Variants in RSPH4A observed in about 807,000 individuals in gnomAD.
RSPH4A encodes the protein radial spoke head component 4A, also known as radial spoke head protein 4 homolog A.
Under a neutral mutation model 71.0 loss-of-function variants are expected in RSPH4A, and 47 were observed. The ratio of observed to expected loss-of-function variants is 0.66; its 90% CI spans 0.52 to 0.84. RSPH4A has a LOEUF of 0.84. RSPH4A is among the 40% of genes least tolerant of loss of function. The pLI is 0.00. For synonymous variants in RSPH4A, 282 were observed against 302.3 expected, an observed-to-expected ratio of 0.93 and a Z score of 0.70; for missense variants, 793 against 855.2, an observed-to-expected ratio of 0.93 and a Z score of 0.91.
At chr6:116,620,885 G>A (rs993286175) in intron 1 of RSPH4A, among the ~76,000 whole-genome samples, 4 of 152,050 alleles carry the variant, frequency 2.6e-5, no homozygotes, top group Non-Finnish European at 4.4e-5. Context: ...TTGAGACAGA[G>A]TCTCACGTTG....
In RSPH4A at chr6:116,632,460, G is replaced by C; in HGVS notation, c.*19G>C. On this transcript the variant is annotated 3_prime_UTR_variant, in exon 6 of 6. Coordinates refer to ENST00000229554, the MANE Select transcript of RSPH4A (RefSeq NM_001010892.3). ...TGACTAATAAACATAAAATTAGCCT[G>C]GTTTTATGTGACACTGATACACACA... 6.3e-7 allele frequency: 1 copy of C among 1,595,722 alleles called. No individual in the cohort carries two copies. Among genetic ancestry groups the C allele is most frequent in the South Asian group, 1.1e-5 (1 of 88,080 alleles).
intron 3 of RSPH4A, among the ~76,000 whole-genome samples, chr6:116,629,192 C>T (rs942465695): frequency 6.6e-6 from 1 of 152,084 alleles, no homozygotes; most frequent in Non-Finnish European, 1.5e-5. Flanking sequence ...ATAATCTTAC[C>T]ACATTTAAAT....
intron 2 of RSPH4A, among the ~76,000 whole-genome samples, chr6:116,623,710 T>G (rs1332345977): frequency 6.6e-6 from 1 of 152,230 alleles, no homozygotes; most frequent in Non-Finnish European, 1.5e-5. Flanking sequence ...ACAAGTTGCA[T>G]GTTTATTAGA....
chr6:116,621,087 G>A (rs1237965589), intron 1 of RSPH4A, among the ~76,000 whole-genome samples: 1 of 152,032 alleles, frequency 6.6e-6, no homozygotes, highest in African/African-American at 2.4e-5. Context: ...TCAAACTCCT[G>A]ACCTCAGGTG....
intron 5 of RSPH4A, among the ~76,000 whole-genome samples, 158 bp from the exon 6 acceptor site, chr6:116,632,049 G>A (rs1051852231): frequency 2.0e-5 from 3 of 151,920 alleles, no homozygotes; most frequent in African/African-American, 7.3e-5. Context: ...TGTGGTAGAA[G>A]AATCATTGAG....
At chr6:116,622,407 G>A (rs61469528) in intron 1 of RSPH4A, among the ~76,000 whole-genome samples, 3,485 of 152,240 alleles carry the variant, frequency 0.023, 68 homozygotes, top group Middle Eastern at 0.099. Flanking sequence ...TGTGGAATAC[G>A]TATCGTGCTC....
At position 116,617,055 on chromosome 6, in the gene RSPH4A, G is replaced by A. The variant is rs1448050416; in HGVS notation, c.432G>A (p.Gln144=). Residue 144 remains glutamine, a synonymous_variant, in exon 1 of 6, where the codon CAG becomes CAA. Transcript: ENST00000229554. Reference sequence around the variant, plus strand: ...AATCAACTCCTCATCACACAAGCCAGTCAGAAGGAAACACCTTTCAACAGT... The same window carrying A: ...AATCAACTCCTCATCACACAAGCCAATCAGAAGGAAACACCTTTCAACAGT... ...KRESTPHHTS[Q]SEGNTFQQSQ... The A allele has an allele frequency of 1.2e-6, 2 of 1,614,214 alleles. No individual in the cohort carries two copies. Among genetic ancestry groups the A allele is most frequent in the Admixed American group, 1.7e-5 (1 of 60,030 alleles).
At position 116,632,606 on chromosome 6, in the gene RSPH4A, GT is replaced by G; in HGVS notation, c.*166del. 1 of 878,730 alleles carries G rather than the reference GT, an allele frequency of 1.1e-6. No homozygotes were observed. The highest frequency in any genetic ancestry group is 2.8e-5 in the East Asian group (1 of 36,104). 54.4% of individuals were successfully genotyped at this position (878,730 alleles called of 1,614,324 possible). A position where few individuals can be genotyped will look rare whatever the true frequency, so the allele number is the denominator to read the frequency against. ...GAAAATCAAGCTTGAAATTTCATAG[GT>G]AGAAATATTAGCATTTTTATTGAAA... On this transcript the variant is annotated 3_prime_UTR_variant, in exon 6 of 6. Coordinates refer to ENST00000229554, the MANE Select transcript of RSPH4A (RefSeq NM_001010892.3).
chr6:116,616,564 C>T lies in RSPH4A; in HGVS notation c.-60C>T. Reference sequence around the variant, plus strand: ...GCGGCAAAGTAACTTAACTGAGTTGCCTTCTTCCATATTTTCACGCCCCTT... The same window carrying T: ...GCGGCAAAGTAACTTAACTGAGTTGTCTTCTTCCATATTTTCACGCCCCTT... On this transcript the variant is annotated 5_prime_UTR_variant, in exon 1 of 6. Transcript: ENST00000229554. The T allele has an allele frequency of 2.1e-6, 3 of 1,419,352 alleles. No individual in the cohort carries two copies. Among genetic ancestry groups the T allele is most frequent in the Non-Finnish European group, 2.9e-6 (3 of 1,024,070 alleles). The allele number at this position is 1,419,352 out of a possible 1,614,324, so 87.9% of individuals were successfully genotyped here.
chr6:116,617,293 A>C lies in RSPH4A; in HGVS notation c.670A>C (p.Asn224His). 2 of 1,612,040 alleles carry C rather than the reference A, an allele frequency of 1.2e-6. No individual in the cohort carries two copies. The highest frequency in any genetic ancestry group is 1.7e-6 in the Non-Finnish European group (2 of 1,179,128). ...AKAYLLKTSS[N>H]SGFNLYDHLS... ...GGCTTACCTGCTGAAGACTAGCAGCAATTCGGGCTTTAATCTGTAAGTCTC... is the reference window on the plus strand; with the variant it reads ...GGCTTACCTGCTGAAGACTAGCAGCCATTCGGGCTTTAATCTGTAAGTCTC... The change falls in exon 1 of 6, where the codon AAT (asparagine) becomes CAT (histidine). Residue 224 changes from asparagine (N) to histidine (H), a missense_variant. Asn to His is a moderately conservative substitution (Grantham distance 68). Transcript: ENST00000229554.
intron 3 of RSPH4A, among the ~76,000 whole-genome samples, chr6:116,629,202 T>A (rs1193090376): frequency 6.6e-6 from 1 of 152,206 alleles, no homozygotes; most frequent in Non-Finnish European, 1.5e-5. Context: ...CACATTTAAA[T>A]GTTATTGTTA....
chr6:116,629,837 T>G, intron 4 of RSPH4A, 135 bp downstream of exon 4: 1 of 790,024 alleles, frequency 1.3e-6, no homozygotes. Flanking sequence ...TTCCCATTCA[T>G]GTTCTGGGAT....
At chr6:116,618,800 C>G (rs917503574) in intron 1 of RSPH4A, among the ~76,000 whole-genome samples, 3 of 152,200 alleles carry the variant, frequency 2.0e-5, no homozygotes, top group African/African-American at 7.2e-5. Context: ...ACATATCCAC[C>G]TGGAGATAGC....
chr6:116,622,634 A>G, intron 1 of RSPH4A, 134 bp from the exon 2 acceptor site: 1 of 635,350 alleles, frequency 1.6e-6, no homozygotes, highest in Non-Finnish European at 2.8e-6. Context: ...TAATTGACCT[A>G]AGCTATATAT....
intron 5 of RSPH4A, 50 bp from the exon 6 acceptor site, chr6:116,632,157 T>C (rs1562393692): frequency 1.4e-6 from 2 of 1,412,356 alleles, no homozygotes; most frequent in Non-Finnish European, 2.0e-6. Flanking sequence ...TCAGTTTTTC[T>C]GAGAAATTAT....
intron 1 of RSPH4A, among the ~76,000 whole-genome samples, chr6:116,621,336 A>G (rs1040307018): frequency 6.6e-6 from 1 of 152,144 alleles, no homozygotes; most frequent in Non-Finnish European, 1.5e-5. Flanking sequence ...TAATATACAT[A>G]TTTTTCTTTG....
At chr6:116,620,275 A>G (rs913805494) in intron 1 of RSPH4A, among the ~76,000 whole-genome samples, 1 of 152,234 alleles carries the variant, frequency 6.6e-6, no homozygotes, top group Non-Finnish European at 1.5e-5. Context: ...TATTACTTAC[A>G]TATCTAAATT....
intron 1 of RSPH4A, among the ~76,000 whole-genome samples, chr6:116,622,371 G>T (rs1775624570): frequency 6.6e-6 from 1 of 152,150 alleles, no homozygotes; most frequent in Admixed American, 6.5e-5. Flanking sequence ...TGTAATTTCA[G>T]AAATAAAATG....
chr6:116,632,425 A>C lies in RSPH4A; in HGVS notation c.2135A>C (p.Glu712Ala). 3 of 1,613,238 alleles carry C rather than the reference A, an allele frequency of 1.9e-6. 1 individual carries two copies. In the African/African-American group the frequency reaches 4.0e-5, roughly 22 times the overall value. The change falls in exon 6 of 6, where the codon GAA (glutamate) becomes GCA (alanine). Residue 712 changes from glutamate (E) to alanine (A), a missense_variant. Glu to Ala is a moderately radical substitution (Grantham distance 107). Transcript: ENST00000229554. ...NEESEEDEDEEDDYD is the reference protein window; with the variant it reads ...NEESEEDEDEADDYD ...GAATCTGAGGAAGATGAAGATGAGG[A>C]AGATGATTATGACTAATAAACATAA...
Sources: allele counts gnomAD v4.1 joint callset (sites outside exome capture counted in the v4.1 genomes callset), GRCh38; gene constraint gnomAD v4.1.1; transcripts MANE v1.5; gene names NCBI Gene and HGNC (gene_info 2026-07-23, HGNC 2026-07-21).